RAB31: variants seen among roughly 807,000 people sequenced by gnomAD.
The protein encoded by RAB31 is ras-related protein Rab-31.
In RAB31, 21 loss-of-function variants were observed where a neutral mutation model predicts 25.6. That is an observed-to-expected ratio of 0.82 (90% CI 0.58 to 1.18). The LOEUF is 1.18. Ranked by LOEUF, RAB31 falls within the 50% of genes most tolerant of loss-of-function variation. RAB31 has a pLI of 0.00. For missense variants in RAB31, 196 were observed against 250.1 expected (o/e 0.78, Z 1.46); for synonymous variants, 87 against 84.0 (o/e 1.04, Z -0.20).
intron 1 of RAB31, among the ~76,000 whole-genome samples, chr18:9,732,082 T>C (rs2068125707): frequency 6.6e-6 from 1 of 152,140 alleles, no homozygotes; most frequent in Non-Finnish European, 1.5e-5. Flanking sequence ...CGAGAAACGA[T>C]GCCCAGCCTC....
rs904186267 is a variant in RAB31 at position 9,766,659 on chromosome 18, G to A, written c.40-8619G>A. Among the ~76,000 whole-genome samples the A allele has an allele frequency of 2.6e-5, 4 of 152,156 alleles. No homozygotes were observed. The highest frequency in any genetic ancestry group is 5.9e-5 in the Non-Finnish European group (4 of 68,022). On this transcript the variant is annotated intron_variant, in intron 1 of 6. Transcript: ENST00000578921. This position sits in a 1 kb window ranked among gnomAD's most constrained non-coding sequence, Gnocchi z 4.3. ...TGTCAATGCTGAAGATGCTGAAGAC[G>A]TTTTAGAAGCATGTGGCTGGGCGCA...
chr18:9,716,149 C>G (rs1462997002), intron 1 of RAB31, among the ~76,000 whole-genome samples: 1 of 152,136 alleles, frequency 6.6e-6, no homozygotes, highest in Admixed American at 6.5e-5. Flanking sequence ...TAAAACAGTT[C>G]CCCTTCTTTT....
At chr18:9,832,178 A>C (rs1421000265) in intron 5 of RAB31, among the ~76,000 whole-genome samples, 1 of 152,212 alleles carries the variant, frequency 6.6e-6, no homozygotes, top group African/African-American at 2.4e-5. Context: ...GCCCAGGGTG[A>C]GGTCCACGGA....
At chr18:9,804,935 A>G (rs2068532427) in intron 3 of RAB31, among the ~76,000 whole-genome samples, 1 of 152,218 alleles carries the variant, frequency 6.6e-6, no homozygotes, top group Non-Finnish European at 1.5e-5. Context: ...GGCTTAAAAC[A>G]ACACAGATAG....
Position 9,821,292 on chromosome 18 carries a change from C to T in RAB31, c.380+6070C>T, listed in dbSNP as rs924752711. ...TCCTGGGGAATGTTCTAAGTGAGCC[C>T]GATGACACTAAGTTTTTAAGACCTA... On this transcript the variant is annotated intron_variant, in intron 5 of 6. Coordinates refer to ENST00000578921, the MANE Select transcript of RAB31 (RefSeq NM_006868.4). Among the ~76,000 whole-genome samples the T allele has an allele frequency of 5.3e-5, 8 of 152,082 alleles. No homozygotes were observed. In the East Asian group the frequency reaches 1.2e-3, roughly 22 times the overall value.
chr18:9,708,320 G>C lies in RAB31; in HGVS notation c.-86G>C, dbSNP rs1196029453. ...CCGCCCGCGGGCGGCGCGAGCGAGG[G>C]GCAGAGGCGAGAGACGCCGGCGGGG... On this transcript the variant is annotated 5_prime_UTR_variant, in exon 1 of 7. Transcript: ENST00000578921. This position sits in a 1 kb window ranked among gnomAD's most constrained non-coding sequence, Gnocchi z 6.4. 9.3e-7 allele frequency: 1 copy of C among 1,078,898 alleles called. No homozygotes were observed. Among genetic ancestry groups the C allele is most frequent in the Middle Eastern group, 3.0e-4 (1 of 3,382 alleles). The allele number at this position is 1,078,898 out of a possible 1,614,324, so 66.8% of individuals were successfully genotyped here.
chr18:9,811,142 T>C (rs1278704613), intron 3 of RAB31, among the ~76,000 whole-genome samples: 1 of 152,180 alleles, frequency 6.6e-6, no homozygotes, highest in Non-Finnish European at 1.5e-5. Flanking sequence ...CGTTCTGGAA[T>C]GGGGGCAGTG....
intron 2 of RAB31, 64 bp from the exon 3 acceptor site, chr18:9,792,090 T>G: frequency 1.3e-6 from 2 of 1,545,844 alleles, no homozygotes; most frequent in South Asian, 1.2e-5. Flanking sequence ...TTAACTTGTT[T>G]GATTTGTGAA....
intron 1 of RAB31, among the ~76,000 whole-genome samples, chr18:9,712,262 T>C (rs949433016): frequency 3.3e-5 from 5 of 152,232 alleles, no homozygotes; most frequent in Non-Finnish European, 7.3e-5. Flanking sequence ...TTACCTGTTA[T>C]AAATTCTTGG....
At chr18:9,733,076 T>G (rs1381252289) in intron 1 of RAB31, among the ~76,000 whole-genome samples, 1 of 152,184 alleles carries the variant, frequency 6.6e-6, no homozygotes, top group African/African-American at 2.4e-5. Flanking sequence ...AATGGCGAGT[T>G]AGACAGTTTC....
chr18:9,742,957 T>C (rs2068187415), intron 1 of RAB31, among the ~76,000 whole-genome samples: 1 of 152,172 alleles, frequency 6.6e-6, no homozygotes. Flanking sequence ...GCAAATGAAA[T>C]ACAGTAGGAT....
chr18:9,825,489 A>G (rs985861505), intron 5 of RAB31, among the ~76,000 whole-genome samples: 1 of 152,236 alleles, frequency 6.6e-6, no homozygotes, highest in Admixed American at 6.5e-5. Flanking sequence ...CATGAATTCA[A>G]GAAACCATAG....
At chr18:9,742,551 A>G (rs1568167293) in intron 1 of RAB31, among the ~76,000 whole-genome samples, 1 of 152,198 alleles carries the variant, frequency 6.6e-6, no homozygotes, top group Non-Finnish European at 1.5e-5. Flanking sequence ...TTTTCTAATA[A>G]AAGATGTTTC....
intron 1 of RAB31, among the ~76,000 whole-genome samples, chr18:9,739,751 T>C (rs531674741): frequency 1.3e-5 from 2 of 152,272 alleles, no homozygotes; most frequent in South Asian, 4.1e-4. Flanking sequence ...TGTGGGGTCA[T>C]CACATTGTAT....
rs181999512 is a variant in RAB31, at chr18:9,784,835, G to A, written c.120-7319G>A. Among the ~76,000 whole-genome samples, 104 of 152,244 alleles carry A rather than the reference G, an allele frequency of 6.8e-4. 1 individual carries two copies. The highest frequency in any genetic ancestry group is 7.1e-4 in the Non-Finnish European group (48 of 68,028). On this transcript the variant is annotated intron_variant, in intron 2 of 6. Coordinates refer to ENST00000578921, the MANE Select transcript of RAB31 (RefSeq NM_006868.4). ...CCCAAAGTGCTGGGATTACAGGTGT[G>A]AGCCACTGCGCCCAGCCAATTTTAG...
intron 2 of RAB31, among the ~76,000 whole-genome samples, chr18:9,788,300 C>T (rs939124404): frequency 6.6e-5 from 10 of 152,168 alleles, no homozygotes; most frequent in Non-Finnish European, 7.3e-5. Flanking sequence ...AAATGCTCAA[C>T]ATCACTATCA....
At chr18:9,715,528 C>CT (rs1161797158) in intron 1 of RAB31, among the ~76,000 whole-genome samples, 1,738 of 128,200 alleles carry the variant, frequency 0.014, 23 homozygotes, top group African/African-American at 0.018. Context: ...CTCTCTCTCT[C>CT]TTTTTTTTTT....
intron 3 of RAB31, among the ~76,000 whole-genome samples, chr18:9,803,129 G>A (rs190227028): frequency 5.1e-4 from 78 of 152,220 alleles, no homozygotes; most frequent in Non-Finnish European, 7.9e-4. Context: ...ACGATAGAAC[G>A]TTTTTGTAGG....
chr18:9,826,608 G>A (rs1422023319), intron 5 of RAB31, among the ~76,000 whole-genome samples: 1 of 152,170 alleles, frequency 6.6e-6, no homozygotes, highest in Non-Finnish European at 1.5e-5. Flanking sequence ...CTAGGTTCCT[G>A]ATCTTGGTGA....
Sources: allele counts gnomAD v4.1 joint callset (sites outside exome capture counted in the v4.1 genomes callset), GRCh38; gene constraint gnomAD v4.1.1; non-coding constraint Gnocchi (gnomAD v3.1); transcripts MANE v1.5; gene names NCBI Gene and HGNC (gene_info 2026-07-23, HGNC 2026-07-21).